ADCY1: variants seen among roughly 807,000 people sequenced by gnomAD.
ADCY1 encodes the protein adenylate cyclase type 1.
A neutral mutation model predicts 105.4 loss-of-function variants in ADCY1; 28 were observed. That is an observed-to-expected ratio of 0.27 (90% CI 0.20 to 0.36). The LOEUF (loss-of-function observed/expected upper bound fraction) is 0.36, where lower values mean the gene tolerates loss of function less well. Ranked by LOEUF, ADCY1 falls within the 10% of genes least tolerant of loss-of-function variation. The pLI is 1.00. For missense variants in ADCY1, 977 were observed against 1,434.2 expected (o/e 0.68, Z 5.15); for synonymous variants, 655 against 623.8 (o/e 1.05, Z -0.75).
intron 14 of ADCY1, among the ~76,000 whole-genome samples, chr7:45,698,411 G>A (rs751084342): frequency 2.4e-4 from 36 of 152,112 alleles, no homozygotes; most frequent in Non-Finnish European, 4.1e-4. Context: ...AGCCTTAACC[G>A]AAATGCATTT....
intron 3 of ADCY1, among the ~76,000 whole-genome samples, chr7:45,614,469 G>C (rs1228646641): frequency 6.6e-6 from 1 of 152,100 alleles, no homozygotes; most frequent in Non-Finnish European, 1.5e-5. Flanking sequence ...TGCAGAAAGA[G>C]AGGAAAACAC....
chr7:45,632,867 G>A (rs1005900587), intron 4 of ADCY1, among the ~76,000 whole-genome samples: 4 of 151,980 alleles, frequency 2.6e-5, no homozygotes, highest in African/African-American at 2.4e-5. Flanking sequence ...CACCATGCTC[G>A]GCCAATGTAT....
At chr7:45,685,166 G>A in intron 12 of ADCY1, 98 bp downstream of exon 12, 2 of 1,142,962 alleles carry the variant, frequency 1.7e-6, no homozygotes, top group South Asian at 2.5e-5. Context: ...GAGACAGGGA[G>A]GTCATCAGAG....
At position 45,574,959 on chromosome 7, in the gene ADCY1, C is replaced by CT; in HGVS notation, c.419dup (p.Ala141ArgfsTer96). 6.2e-7 allele frequency: 1 copy of CT among 1,611,690 alleles called. No individual in the cohort carries two copies. Among genetic ancestry groups the CT allele is most frequent in the Non-Finnish European group, 8.5e-7 (1 of 1,179,482 alleles). On this transcript the variant is annotated frameshift_variant, in exon 1 of 20. Transcript: ENST00000297323. LOFTEE classifies it high-confidence loss of function. The surrounding 1 kb of genome is among the most constrained non-coding windows in gnomAD (Gnocchi z 7.0). ...CTCACCTTCGCGCTGCTCTGCTGTCCTTTCGCGCTGGGCGGCCCCGCCCGG... is the reference window on the plus strand; with the variant it reads ...CTCACCTTCGCGCTGCTCTGCTGTCCTTTTCGCGCTGGGCGGCCCCGCCCGG...
intron 4 of ADCY1, among the ~76,000 whole-genome samples, chr7:45,628,027 G>T (rs1298296293): frequency 6.6e-6 from 1 of 152,184 alleles, no homozygotes; most frequent in African/African-American, 2.4e-5. Context: ...TGGTGGGGAG[G>T]TTCTTTGCTA....
intron 4 of ADCY1, among the ~76,000 whole-genome samples, chr7:45,627,393 A>C (rs139518583): frequency 6.6e-6 from 1 of 152,056 alleles, no homozygotes; most frequent in East Asian, 1.9e-4. Flanking sequence ...AGCTAACCCT[A>C]CTCATTCATC....
At chr7:45,619,085 T>C (rs947024834) in intron 3 of ADCY1, among the ~76,000 whole-genome samples, 37 of 152,330 alleles carry the variant, frequency 2.4e-4, no homozygotes, top group African/African-American at 8.4e-4. Flanking sequence ...CAGGGGATGT[T>C]ATATTAAGTG....
chr7:45,709,261 G>A (rs908223609), intron 18 of ADCY1, among the ~76,000 whole-genome samples: 4 of 152,302 alleles, frequency 2.6e-5, no homozygotes, highest in African/African-American at 7.2e-5. Flanking sequence ...GGCTCTGGTC[G>A]GCAGAGCTAC....
At position 45,714,376 on chromosome 7, in the gene ADCY1, G is replaced by A. The variant is rs953558040; in HGVS notation, c.*381G>A. 22 of 211,052 alleles carry A rather than the reference G, an allele frequency of 1.0e-4. No individual in the cohort carries two copies. Among genetic ancestry groups the A allele is most frequent in the African/African-American group, 5.0e-4 (22 of 43,954 alleles). 13.1% of individuals were successfully genotyped at this position (211,052 alleles called of 1,614,324 possible). A position where few individuals can be genotyped will look rare whatever the true frequency, so the allele number is the denominator to read the frequency against. ...CAGGGTTACAGCAAGAGCCACTGAGGTGTGGCTGGCAGAGCAACTGAGGAG... is the reference window on the plus strand; with the variant it reads ...CAGGGTTACAGCAAGAGCCACTGAGATGTGGCTGGCAGAGCAACTGAGGAG... On this transcript the variant is annotated 3_prime_UTR_variant, in exon 20 of 20. Coordinates refer to ENST00000297323, the MANE Select transcript of ADCY1 (RefSeq NM_021116.4).
chr7:45,642,014 CTT>C (rs1289283900), intron 4 of ADCY1, among the ~76,000 whole-genome samples: 2 of 149,950 alleles, frequency 1.3e-5, no homozygotes, highest in Non-Finnish European at 3.0e-5. Flanking sequence ...TCTTGATTGT[CTT>C]GCGAGATTTT....
intron 2 of ADCY1, among the ~76,000 whole-genome samples, chr7:45,602,537 G>A (rs1793267337): frequency 1.3e-5 from 2 of 152,210 alleles, no homozygotes; most frequent in Admixed American, 6.5e-5. Context: ...CCCTAACAAG[G>A]TAAATGGAAC....
Position 45,704,684 on chromosome 7 carries a change from C to A in ADCY1, c.2817+68C>A. On this transcript the variant is annotated intron_variant, in intron 17 of 19. Transcript: ENST00000297323. ...GCTCTGCCCTAAACTGCTCTGGGAC[C>A]CTGGGTAGCTTCCACACTGGGGTTT... The A allele has an allele frequency of 2.3e-6, 3 of 1,295,988 alleles. No homozygotes were observed. In the South Asian group the frequency reaches 3.7e-5, roughly 16 times the overall value. The allele number at this position is 1,295,988 out of a possible 1,614,324, so 80.3% of individuals were successfully genotyped here. A position where few individuals can be genotyped will look rare whatever the true frequency, so the allele number is the denominator to read the frequency against.
At chr7:45,665,658 G>T (rs1784226428) in intron 8 of ADCY1, among the ~76,000 whole-genome samples, 1 of 152,202 alleles carries the variant, frequency 6.6e-6, no homozygotes, top group Admixed American at 6.5e-5. Context: ...AAATCAATTT[G>T]GGTGTGCACC....
At chr7:45,608,380 A>G (rs1445524172) in intron 2 of ADCY1, among the ~76,000 whole-genome samples, 2 of 152,220 alleles carry the variant, frequency 1.3e-5, no homozygotes, top group African/African-American at 4.8e-5. Context: ...CCCTGGCCAC[A>G]TCTAGCTGCA....
chr7:45,711,646 C>CATAT (rs1287358209), intron 19 of ADCY1, among the ~76,000 whole-genome samples: 61 of 22,796 alleles, frequency 2.7e-3, no homozygotes, highest in African/African-American at 6.7e-3. Context: ...TATATATATA[C>CATAT]ACACACACAC....
intron 11 of ADCY1, among the ~76,000 whole-genome samples, chr7:45,682,533 C>G (rs2116198938): frequency 6.6e-6 from 1 of 152,268 alleles, no homozygotes; most frequent in Middle Eastern, 3.4e-3. Context: ...TGGCTGGACC[C>G]TGGGGATGTG....
chr7:45,702,136 A>G (rs945323186), intron 14 of ADCY1, among the ~76,000 whole-genome samples: 8 of 152,114 alleles, frequency 5.3e-5, no homozygotes, highest in Non-Finnish European at 1.0e-4. Flanking sequence ...CTCTGTTTTA[A>G]CTGGTGGAAT....
In ADCY1 at chr7:45,610,373, G is replaced by C. The variant is rs924907168; in HGVS notation, c.790-6G>C. The C allele has an allele frequency of 3.7e-6, 6 of 1,613,070 alleles. No homozygotes were observed. The Admixed American group carries it at 5.0e-5, about 13-fold the overall frequency. ...TGTCTAACCCGGGCCCTTCTCTTCT[G>C]TCCAGGAGCGGCTCCTCATGAGCCT... On this transcript the variant is annotated splice_region_variant and splice_polypyrimidine_tract_variant and intron_variant, in intron 2 of 19. Coordinates refer to ENST00000297323, the MANE Select transcript of ADCY1 (RefSeq NM_021116.4).
At chr7:45,684,147 A>G (rs1361619278) in intron 11 of ADCY1, among the ~76,000 whole-genome samples, 2 of 152,250 alleles carry the variant, frequency 1.3e-5, no homozygotes, top group Non-Finnish European at 2.9e-5. Flanking sequence ...GGTTGGTGAA[A>G]TACCCAATGG....
Sources: allele counts gnomAD v4.1 joint callset (sites outside exome capture counted in the v4.1 genomes callset), GRCh38; gene constraint gnomAD v4.1.1; non-coding constraint Gnocchi (gnomAD v3.1); transcripts MANE v1.5; gene names NCBI Gene and HGNC (gene_info 2026-07-23, HGNC 2026-07-21).